The following GBP2 variants were observed in gnomAD, a reference collection of about 807,000 sequenced individuals.
GBP2 encodes guanylate-binding protein 2.
Under a neutral mutation model 60.8 loss-of-function variants are expected in GBP2, and 54 were observed. The ratio of observed to expected loss-of-function variants is 0.89; its 90% CI spans 0.71 to 1.11. The LOEUF is 1.11. Ranked by LOEUF, GBP2 falls within the 50% of genes most tolerant of loss-of-function variation. The pLI is 0.00. For missense variants in GBP2, 665 were observed against 703.3 expected (o/e 0.95, Z 0.62); for synonymous variants, 243 against 256.5 (o/e 0.95, Z 0.50).
chr1:89,114,052 G>C lies in GBP2; in HGVS notation c.1113C>G (p.Phe371Leu), dbSNP rs1297173140. 3.7e-6 allele frequency: 6 copies of C among 1,614,176 alleles called. No homozygotes were observed. Among genetic ancestry groups the C allele is most frequent in the Non-Finnish European group, 5.1e-6 (6 of 1,180,036 alleles). Reference protein sequence around the residue: ...EAIEVFMKNSFKDVDQMFQRK... With the variant: ...EAIEVFMKNSLKDVDQMFQRK... ...TCTGGAACATTTGGTCCACATCCTT[G>C]AAAGAGTTCTTCATGAAGACTTCAA... Residue 371 changes from phenylalanine (F) to leucine (L), a missense_variant, in exon 7 of 11, where the codon TTC becomes TTG. By Grantham distance (22) the Phe-to-Leu change is conservative. Transcript: ENST00000370466.
intron 6 of GBP2, among the ~76,000 whole-genome samples, chr1:89,116,693 T>A (rs1681279257): frequency 6.6e-6 from 1 of 152,174 alleles, no homozygotes; most frequent in Admixed American, 6.5e-5. Context: ...TGTTGCTCAG[T>A]ATATATATCC....
rs755401851 is a variant in GBP2 at position 89,121,727 on chromosome 1, C to T, written c.190+50G>A. On this transcript the variant is annotated intron_variant, in intron 2 of 10. Transcript: ENST00000370466. ...TGCTCACATCCCTAAGCTGGATGTT[C>T]GCCGTGTGTACGGACAGAAGGGGCT... 7.7e-6 allele frequency: 12 copies of T among 1,566,876 alleles called. No individual in the cohort carries two copies. The East Asian group carries it at 1.4e-4, about 18-fold the overall frequency.
chr1:89,111,283 A>C (rs1196970283), intron 8 of GBP2, among the ~76,000 whole-genome samples: 1 of 152,176 alleles, frequency 6.6e-6, no homozygotes, highest in Non-Finnish European at 1.5e-5. Flanking sequence ...GTTATTTGCC[A>C]TACTATTGGA....
At position 89,107,631 on chromosome 1, in the gene GBP2, C is replaced by T. The variant is rs986375885; in HGVS notation, c.*544G>A. On this transcript the variant is annotated 3_prime_UTR_variant, in exon 11 of 11. Transcript: ENST00000370466. Reference sequence around the variant, plus strand: ...ACTTTAAAAGCCTAGTTAAGTGTCCCAGATCTCCTTTATTTGCAGCCAGCA... The same window carrying T: ...ACTTTAAAAGCCTAGTTAAGTGTCCTAGATCTCCTTTATTTGCAGCCAGCA... Among the ~76,000 whole-genome samples, 1 of 152,158 alleles carries T rather than the reference C, an allele frequency of 6.6e-6. No homozygotes were observed. Among genetic ancestry groups the T allele is most frequent in the Non-Finnish European group, 1.5e-5 (1 of 68,040 alleles).
intron 3 of GBP2, 150 bp from the exon 4 acceptor site, chr1:89,120,438 C>T (rs1681375474): frequency 1.6e-6 from 1 of 642,754 alleles, no homozygotes; most frequent in Non-Finnish European, 2.8e-6. Flanking sequence ...TTTTTTTCTA[C>T]CTGTAGAACA....
chr1:89,120,483 TTA>T (rs1292523980), intron 3 of GBP2, among the ~76,000 whole-genome samples, 195 bp from the exon 4 acceptor site: 1 of 152,170 alleles, frequency 6.6e-6, no homozygotes, highest in Non-Finnish European at 1.5e-5. Flanking sequence ...ATTTAAGGTG[TTA>T]TATATAAATA....
rs1681282988 is a variant in GBP2, at chr1:89,116,911, C to T, written c.868+81G>A. On this transcript the variant is annotated intron_variant, in intron 6 of 10. Transcript: ENST00000370466. ...TAGACTATGCATTTGTCAGAAGTGA[C>T]CCTTATGCTTTCCATTTTATCCTCT... 15 of 1,420,658 alleles carry T rather than the reference C, an allele frequency of 1.1e-5. No homozygotes were observed. In the South Asian group the frequency reaches 1.4e-4, roughly 14 times the overall value. 88.0% of individuals were successfully genotyped at this position (1,420,658 alleles called of 1,614,324 possible).
intron 4 of GBP2, chr1:89,119,691 G>A (rs1681356828): frequency 6.6e-6 from 1 of 152,632 alleles, no homozygotes; most frequent in Non-Finnish European, 1.5e-5. Context: ...AAAGTGTCCA[G>A]AACTCTAATA....
intron 6 of GBP2, among the ~76,000 whole-genome samples, chr1:89,116,410 C>A (rs1450263525): frequency 2.0e-5 from 3 of 152,086 alleles, no homozygotes; most frequent in African/African-American, 7.2e-5. Flanking sequence ...TCCCTTTACT[C>A]TTTCATAGCA....
intron 1 of GBP2, among the ~76,000 whole-genome samples, chr1:89,123,167 C>G (rs1157922578): frequency 6.6e-6 from 1 of 152,142 alleles, no homozygotes; most frequent in African/African-American, 2.4e-5. Context: ...CCAGGCTTAT[C>G]TAATATTTTT....
Position 89,109,884 on chromosome 1 carries a change from A to G in GBP2, c.1466-14T>C. The stretch of plus-strand genomic sequence containing the variant: ...TTATACGTTCCACTGTGGAAGAAAA[A>G]TAAGCAGAAAAAGATATGAATATTC... On this transcript the variant is annotated splice_polypyrimidine_tract_variant and intron_variant, in intron 9 of 10. Transcript: ENST00000370466. The G allele has an allele frequency of 6.2e-7, 1 of 1,602,696 alleles. No individual in the cohort carries two copies. Among genetic ancestry groups the G allele is most frequent in the Non-Finnish European group, 8.5e-7 (1 of 1,174,784 alleles).
At chr1:89,116,021 A>ATG (rs1233850909) in intron 6 of GBP2, among the ~76,000 whole-genome samples, 1 of 150,680 alleles carries the variant, frequency 6.6e-6, no homozygotes, top group African/African-American at 2.4e-5. Context: ...TTTAATATAT[A>ATG]TATATATTGG....
intron 7 of GBP2, 49 bp from the exon 8 acceptor site, chr1:89,112,733 G>A (rs1451368922): frequency 1.4e-6 from 2 of 1,462,022 alleles, no homozygotes; most frequent in African/African-American, 2.8e-5. Context: ...CCATGAGGAG[G>A]ATGTTAACTA....
intron 6 of GBP2, among the ~76,000 whole-genome samples, chr1:89,116,282 G>C (rs1433476608): frequency 6.6e-6 from 1 of 152,012 alleles, no homozygotes; most frequent in African/African-American, 2.4e-5. Context: ...CCAAAGTTCT[G>C]GGATTATAGG....
intron 6 of GBP2, among the ~76,000 whole-genome samples, chr1:89,115,053 A>C (rs1424418390): frequency 4.6e-5 from 7 of 152,198 alleles, no homozygotes; most frequent in African/African-American, 9.6e-5. Context: ...TCTCAATATT[A>C]AATAATCTAA....
At position 89,114,903 on chromosome 1, in the gene GBP2, G is replaced by GT. The variant is rs1177508337; in HGVS notation, c.869-608dup. Reference sequence around the variant, plus strand: ...TCCTGGACCTTCTCATCTCTCTGCGGTTTTAAGTACCATCTGTATGGATGG... The same window carrying GT: ...TCCTGGACCTTCTCATCTCTCTGCGGTTTTTAAGTACCATCTGTATGGATGG... On this transcript the variant is annotated intron_variant, in intron 6 of 10. Coordinates refer to ENST00000370466, the MANE Select transcript of GBP2 (RefSeq NM_004120.5). Among the ~76,000 whole-genome samples, 6 of 152,158 alleles carry GT rather than the reference G, an allele frequency of 3.9e-5. No individual in the cohort carries two copies. In the East Asian group the frequency reaches 1.2e-3, roughly 29 times the overall value.
chr1:89,116,068 G>A (rs1307100215), intron 6 of GBP2, among the ~76,000 whole-genome samples: 2 of 151,768 alleles, frequency 1.3e-5, no homozygotes, highest in Admixed American at 6.6e-5. Flanking sequence ...GCTGGAGTGC[G>A]GTGGTGCAGT....
intron 3 of GBP2, 75 bp downstream of exon 3, chr1:89,121,068 G>T: frequency 8.8e-7 from 1 of 1,135,616 alleles, no homozygotes; most frequent in Non-Finnish European, 1.3e-6. Flanking sequence ...GTGCAAAGAT[G>T]GTTATCGATC....
chr1:89,108,359 G>T, intron 10 of GBP2, 68 bp from the exon 11 acceptor site: 2 of 937,872 alleles, frequency 2.1e-6, no homozygotes, highest in East Asian at 2.5e-5. Flanking sequence ...TTCCCCTTTT[G>T]GTACTTATAT....
Sources: allele counts gnomAD v4.1 joint callset (sites outside exome capture counted in the v4.1 genomes callset), GRCh38; gene constraint gnomAD v4.1.1; transcripts MANE v1.5; gene names NCBI Gene and HGNC (gene_info 2026-07-23, HGNC 2026-07-21).